Variants in PREPL observed in about 807,000 individuals in gnomAD.
The protein encoded by PREPL is prolyl endopeptidase-like.
A neutral mutation model predicts 70.6 loss-of-function variants in PREPL; 77 were observed. That is an observed-to-expected ratio of 1.09 (90% confidence interval 0.91 to 1.32). The LOEUF (loss-of-function observed/expected upper bound fraction) is 1.32. Ranked by LOEUF, PREPL falls within the 40% of genes most tolerant of loss-of-function variation. PREPL has a pLI of 0.00. For missense variants in PREPL, 1,002 were observed against 778.2 expected (o/e 1.29, Z -3.42); for synonymous variants, 315 against 264.8 (o/e 1.19, Z -1.84).
chr2:44,325,750 C>T (rs1368455762), intron 10 of PREPL, among the ~76,000 whole-genome samples: 1 of 152,006 alleles, frequency 6.6e-6, no homozygotes, highest in Non-Finnish European at 1.5e-5. Flanking sequence ...TTTACAAGCC[C>T]ACAGTATAAA....
At chr2:44,348,645 A>AT (rs1469319448) in intron 1 of PREPL, among the ~76,000 whole-genome samples, 3 of 152,054 alleles carry the variant, frequency 2.0e-5, no homozygotes, top group Non-Finnish European at 2.9e-5. Context: ...CCTGATTAAC[A>AT]TTTTTTCTGT....
At chr2:44,337,742 G>C (rs1572878762) in intron 7 of PREPL, among the ~76,000 whole-genome samples, 1 of 152,190 alleles carries the variant, frequency 6.6e-6, no homozygotes, top group Non-Finnish European at 1.5e-5. Flanking sequence ...GTGAAGGCAG[G>C]TTATCTTTCC....
At chr2:44,331,996 G>A (rs1331828076) in intron 8 of PREPL, among the ~76,000 whole-genome samples, 1 of 148,752 alleles carries the variant, frequency 6.7e-6, no homozygotes, top group African/African-American at 2.5e-5. Context: ...GCCCAGGCTG[G>A]AGTGCAGTGG....
chr2:44,328,438 C>A (rs371074053), intron 9 of PREPL, among the ~76,000 whole-genome samples: 132 of 61,166 alleles, frequency 2.2e-3, no homozygotes, highest in South Asian at 7.0e-3. Context: ...CTGTCTCAAA[C>A]AAAAAAAAAA....
Position 44,318,095 on chromosome 2 carries a change from G to C in PREPL, c.*3261C>G, listed in dbSNP as rs548314888. ...ATAATACTTAAAGGATCTCAACACTGTTTTTTTTTTTTTTTGAGACAGTCT... is the reference window on the plus strand; with the variant it reads ...ATAATACTTAAAGGATCTCAACACTCTTTTTTTTTTTTTTTGAGACAGTCT... On this transcript the variant is annotated 3_prime_UTR_variant, in exon 14 of 14. Coordinates refer to ENST00000409411, the MANE Select transcript of PREPL (RefSeq NM_001171613.2). 3 of 396,500 alleles carry C rather than the reference G, an allele frequency of 7.6e-6. No homozygotes were observed. Among genetic ancestry groups the C allele is most frequent in the Middle Eastern group, 3.8e-4 (1 of 2,616 alleles). The allele number at this position is 396,500 out of a possible 1,614,324, so 24.6% of individuals were successfully genotyped here.
At chr2:44,355,042 T>C (rs188387478) in intron 1 of PREPL, among the ~76,000 whole-genome samples, 12 of 152,308 alleles carry the variant, frequency 7.9e-5, no homozygotes, top group Admixed American at 6.5e-4. Context: ...TCTAATCAAA[T>C]GCAGTAACAT....
At chr2:44,355,579 C>A (rs548609267) in intron 1 of PREPL, among the ~76,000 whole-genome samples, 1 of 152,040 alleles carries the variant, frequency 6.6e-6, no homozygotes, top group Non-Finnish European at 1.5e-5. Context: ...TAAAGACTCT[C>A]ATCTTCACTC....
At chr2:44,335,090 T>C (rs534642787) in intron 7 of PREPL, among the ~76,000 whole-genome samples, 1 of 152,236 alleles carries the variant, frequency 6.6e-6, no homozygotes, top group African/African-American at 2.4e-5. Flanking sequence ...AAGAAGTATT[T>C]AATTCCACTT....
In PREPL at chr2:44,326,732, C is replaced by T; in HGVS notation, c.1459G>A (p.Val487Met). Residue 487 changes from valine (V) to methionine (M), a missense_variant, in exon 10 of 14, where the codon GTG becomes ATG. Val to Met is a conservative substitution (Grantham distance 21). Coordinates refer to ENST00000409411, the MANE Select transcript of PREPL (RefSeq NM_001171613.2). ...GALCNSNPEL[V>M]RAVTLEAPFL... ...CTCACCTCCAAAGTCACCGCTCTCA[C>T]CAGCTCTGGATTAGAATTACACAAT... The T allele has an allele frequency of 6.2e-7, 1 of 1,613,912 alleles. No homozygotes were observed. The highest frequency in any genetic ancestry group is 8.5e-7 in the Non-Finnish European group (1 of 1,179,946).
Position 44,342,008 on chromosome 2 carries a change from C to G in PREPL, c.485+409G>C, listed in dbSNP as rs186412614. Among the ~76,000 whole-genome samples, 18 of 152,116 alleles carry G rather than the reference C, an allele frequency of 1.2e-4. No individual in the cohort carries two copies. The East Asian group carries it at 3.3e-3, about 28-fold the overall frequency. ...GGGTTTTAGTTTGAAAGAGAGATAC[C>G]TATCTAAGTATATACCATTTATTTA... On this transcript the variant is annotated intron_variant, in intron 5 of 13. Coordinates refer to ENST00000409411, the MANE Select transcript of PREPL (RefSeq NM_001171613.2).
intron 1 of PREPL, among the ~76,000 whole-genome samples, chr2:44,350,241 A>C (rs1173545579): frequency 6.6e-6 from 1 of 152,184 alleles, no homozygotes; most frequent in Non-Finnish European, 1.5e-5. Flanking sequence ...TACCAATTAA[A>C]CTTAATGTGA....
At chr2:44,361,700 A>G, upstream of PREPL, 1 of 351,440 alleles carries the variant, frequency 2.8e-6, no homozygotes, top group Non-Finnish European at 5.1e-6. Flanking sequence ...TGAGCTCGAG[A>G]TGAAGCACAG....
chr2:44,361,331 G>T (rs1364378242), intron 1 of PREPL, 49 bp downstream of exon 1: 6 of 152,450 alleles, frequency 3.9e-5, no homozygotes, highest in South Asian at 2.1e-4. Context: ...TGGCTGGGCG[G>T]GGGGAGAAAG....
Position 44,323,389 on chromosome 2 carries a change from T to A in PREPL, c.1502A>T (p.Asn501Ile), listed in dbSNP as rs75128515. ...AGGAAGTGTAGTGTCCATCATGGTG[T>A]TGAGAACATCCAAGAAAGGTGCCTA... ...TLEAPFLDVL[N>I]TMMDTTLPLT... Residue 501 changes from asparagine (N) to isoleucine (I), a missense_variant, in exon 11 of 14, where the codon AAC (asparagine) becomes ATC (isoleucine). Physicochemically the swap from Asn to Ile is moderately radical, Grantham distance 149 (BLOSUM62 -3). Transcript: ENST00000409411. 11 of 1,596,772 alleles carry A rather than the reference T, an allele frequency of 6.9e-6. No individual in the cohort carries two copies. Among genetic ancestry groups the A allele is most frequent in the South Asian group, 1.1e-5 (1 of 87,490 alleles).
Position 44,338,544 on chromosome 2 carries a change from G to C in PREPL, c.703-8C>G, listed in dbSNP as rs372014214. The C allele has an allele frequency of 2.5e-6, 4 of 1,593,542 alleles. No homozygotes were observed. In the African/African-American group the frequency reaches 4.1e-5, roughly 16 times the overall value. ...AGCCGCTGTTCTCATTAGCTACGTG[G>C]AACAAAGTTAGAAGACATATAGGTA... On this transcript the variant is annotated splice_region_variant and splice_polypyrimidine_tract_variant and intron_variant, in intron 6 of 13. Coordinates refer to ENST00000409411, the MANE Select transcript of PREPL (RefSeq NM_001171613.2).
intron 1 of PREPL, among the ~76,000 whole-genome samples, chr2:44,359,164 G>A (rs768195424): frequency 3.4e-5 from 5 of 148,954 alleles, no homozygotes; most frequent in South Asian, 2.1e-4. Flanking sequence ...TGCCTCCTGG[G>A]TTCAAGAGAT....
chr2:44,352,787 A>C (rs1444929318), intron 1 of PREPL, among the ~76,000 whole-genome samples: 2 of 152,250 alleles, frequency 1.3e-5, no homozygotes, highest in Admixed American at 1.3e-4. Context: ...TGAAAAAAAT[A>C]ATAATAGAAC....
rs750627014 is a variant in PREPL at position 44,321,370 on chromosome 2, ATTTC to A, written c.1899_1902del (p.Lys633AsnfsTer3). 2 of 1,607,492 alleles carry A rather than the reference ATTTC, an allele frequency of 1.2e-6. No individual in the cohort carries two copies. Among genetic ancestry groups the A allele is most frequent in the Non-Finnish European group, 1.7e-6 (2 of 1,174,436 alleles). ...AATGCAGTGTTTCAGAATTTCAGGTATTTCTTAAGATCCTCGAAAACACTGGTGC... is the reference window on the plus strand; with the variant it reads ...AATGCAGTGTTTCAGAATTTCAGGTATTAAGATCCTCGAAAACACTGGTGC... On this transcript the variant is annotated frameshift_variant, in exon 14 of 14. Transcript: ENST00000409411. LOFTEE classifies it high-confidence loss of function.
Position 44,342,515 on chromosome 2 carries a change from G to T in PREPL, c.387C>A (p.Phe129Leu), listed in dbSNP as rs202117041. 3 of 1,606,774 alleles carry T rather than the reference G, an allele frequency of 1.9e-6. No individual in the cohort carries two copies. The East Asian group carries it at 6.7e-5, about 36-fold the overall frequency. Residue 129 changes from phenylalanine (F) to leucine (L), a missense_variant, in exon 5 of 14, where the codon TTC (phenylalanine) becomes TTA (leucine). By Grantham distance (22) the Phe-to-Leu change is conservative. Transcript: ENST00000409411. ...VKDEEDEDVL[F>L]YTFQRNLRCH... ...AGCGAAGGTTCCTCTGGAAGGTGTA[G>T]AATAAAACATCTTCATCTTCCTCGT... is the stretch of plus-strand genomic sequence containing the variant.
Sources: gnomAD v4.1 joint callset for allele counts (sites outside exome capture counted in the v4.1 genomes callset) on GRCh38, gnomAD v4.1.1 for gene constraint, MANE v1.5 for transcripts, NCBI Gene and HGNC (gene_info 2026-07-23, HGNC 2026-07-21) for gene names.